SEMA3A: variants seen among roughly 807,000 people sequenced by gnomAD.
SEMA3A encodes semaphorin-3A.
SEMA3A carries 29 observed loss-of-function variants against 97.9 expected under a neutral mutation model. The observed-to-expected ratio is 0.30, with a 90% CI of 0.22 to 0.40. The LOEUF is 0.40. Ranked by LOEUF, SEMA3A falls within the 10% of genes least tolerant of loss-of-function variation. The pLI is 1.00. For missense variants in SEMA3A, 763 were observed against 951.3 expected (o/e 0.80, Z 2.60); for synonymous variants, 321 against 323.7 (o/e 0.99, Z 0.09).
chr7:84,315,914 G>A (rs983695110), intron 2 of SEMA3A, among the ~76,000 whole-genome samples: 2 of 151,248 alleles, frequency 1.3e-5, no homozygotes, highest in African/African-American at 4.9e-5. Context: ...ATGATTTTAT[G>A]TACTTTTTGT....
At chr7:83,996,434 C>T (rs1426672796) in intron 12 of SEMA3A, among the ~76,000 whole-genome samples, 2 of 151,272 alleles carry the variant, frequency 1.3e-5, no homozygotes, top group African/African-American at 4.9e-5. Flanking sequence ...TCCTGAGTAG[C>T]TGGGATTACA....
chr7:84,005,794 C>G (rs1317326893), intron 10 of SEMA3A, among the ~76,000 whole-genome samples: 1 of 151,808 alleles, frequency 6.6e-6, no homozygotes, highest in Non-Finnish European at 1.5e-5. Flanking sequence ...ACTAAAAATA[C>G]AAAAATTAGC....
intron 1 of SEMA3A, among the ~76,000 whole-genome samples, chr7:84,401,328 G>T (rs1803894959): frequency 6.6e-6 from 1 of 152,010 alleles, no homozygotes; most frequent in African/African-American, 2.4e-5. Context: ...CAGTGAAAAT[G>T]ATAAAATGCT....
chr7:84,231,590 C>A (rs763578814), intron 3 of SEMA3A, among the ~76,000 whole-genome samples: 3 of 151,848 alleles, frequency 2.0e-5, no homozygotes, highest in Non-Finnish European at 4.4e-5. Flanking sequence ...TACTTAAAAG[C>A]CAGTTAAAAT....
intron 3 of SEMA3A, among the ~76,000 whole-genome samples, chr7:84,243,369 T>C (rs1333968317): frequency 6.6e-6 from 1 of 152,202 alleles, no homozygotes; most frequent in Non-Finnish European, 1.5e-5. Context: ...CCTGGTTTAG[T>C]CTTGGGTGGG....
chr7:84,404,711 C>T (rs1163541607), intron 1 of SEMA3A, among the ~76,000 whole-genome samples: 3 of 152,184 alleles, frequency 2.0e-5, no homozygotes, highest in African/African-American at 4.8e-5. Context: ...AGAAACTCTA[C>T]AAGCCAGAAG....
intron 3 of SEMA3A, among the ~76,000 whole-genome samples, chr7:84,256,092 AT>A: frequency 6.6e-6 from 1 of 152,194 alleles, no homozygotes; most frequent in Non-Finnish European, 1.5e-5. Flanking sequence ...GATTGTGTGC[AT>A]TTACAGTCCC....
intron 1 of SEMA3A, among the ~76,000 whole-genome samples, chr7:84,163,942 T>C (rs1297542374): frequency 6.6e-6 from 1 of 151,744 alleles, no homozygotes; most frequent in Non-Finnish European, 1.5e-5. Context: ...GCCTCCTGGG[T>C]TCAAGTGATT....
At chr7:84,044,356 A>G (rs1792265112) in intron 6 of SEMA3A, among the ~76,000 whole-genome samples, 1 of 152,048 alleles carries the variant, frequency 6.6e-6, no homozygotes, top group Non-Finnish European at 1.5e-5. Flanking sequence ...AGGTACCATG[A>G]GACCCCGTCT....
chr7:84,217,758 C>A (rs2116330734), intron 3 of SEMA3A, among the ~76,000 whole-genome samples: 1 of 141,192 alleles, frequency 7.1e-6, no homozygotes, highest in South Asian at 2.2e-4. Flanking sequence ...GAGACTCTGT[C>A]TCTTCAAAAA....
chr7:84,105,995 C>T (rs1468791848), intron 4 of SEMA3A, among the ~76,000 whole-genome samples: 1 of 152,146 alleles, frequency 6.6e-6, no homozygotes, highest in Non-Finnish European at 1.5e-5. Context: ...ACATATCTTA[C>T]AGAACTGGAG....
intron 2 of SEMA3A, among the ~76,000 whole-genome samples, chr7:84,351,468 T>C (rs1480911799): frequency 6.6e-6 from 1 of 152,060 alleles, no homozygotes; most frequent in Non-Finnish European, 1.5e-5. Context: ...TGACCATCCT[T>C]ATGGCAAAGG....
At chr7:84,465,642 T>G (rs1386158812) in intron 1 of SEMA3A, among the ~76,000 whole-genome samples, 1 of 152,166 alleles carries the variant, frequency 6.6e-6, no homozygotes, top group Admixed American at 6.5e-5. Flanking sequence ...ATAAAATACT[T>G]GATTTATCTT....
intron 1 of SEMA3A, among the ~76,000 whole-genome samples, chr7:84,145,016 GTATTT>G (rs1262325200): frequency 6.6e-5 from 10 of 152,204 alleles, no homozygotes; most frequent in African/African-American, 2.2e-4. Context: ...ATATAAATAT[GTATTT>G]TATTTACATA....
chr7:84,431,474 C>T (rs1397968620), intron 1 of SEMA3A, among the ~76,000 whole-genome samples: 1 of 151,766 alleles, frequency 6.6e-6, no homozygotes, highest in East Asian at 1.9e-4. Flanking sequence ...ACTAGTTTTC[C>T]AAAAAGCATA....
chr7:84,244,401 A>G (rs1490267866), intron 3 of SEMA3A, among the ~76,000 whole-genome samples: 2 of 152,158 alleles, frequency 1.3e-5, no homozygotes, highest in Non-Finnish European at 2.9e-5. Flanking sequence ...ATCAGAGACT[A>G]AGATTGCAAC....
chr7:84,045,808 G>A (rs1227620656), intron 6 of SEMA3A, among the ~76,000 whole-genome samples: 3 of 151,778 alleles, frequency 2.0e-5, no homozygotes, highest in Non-Finnish European at 4.4e-5. Context: ...GGGGTTTTAA[G>A]ATGATTAAGA....
chr7:84,141,455 C>G (rs1796288629), intron 1 of SEMA3A, among the ~76,000 whole-genome samples: 1 of 152,028 alleles, frequency 6.6e-6, no homozygotes, highest in East Asian at 1.9e-4. Context: ...TCTCCCCTAC[C>G]AGATGCTTAT....
chr7:84,344,863 C>T (rs1228694803), intron 2 of SEMA3A, among the ~76,000 whole-genome samples: 2 of 152,090 alleles, frequency 1.3e-5, no homozygotes, highest in African/African-American at 4.8e-5. Context: ...CAAAACATCA[C>T]TTTGAGAAAC....
Sources: gnomAD v4.1 joint callset for allele counts (sites outside exome capture counted in the v4.1 genomes callset) on GRCh38, gnomAD v4.1.1 for gene constraint, MANE v1.5 for transcripts, NCBI Gene and HGNC (gene_info 2026-07-23, HGNC 2026-07-21) for gene names.